TDRD9: variants seen among roughly 807,000 people sequenced by gnomAD.
TDRD9 encodes the protein ATP-dependent RNA helicase TDRD9.
Under a neutral mutation model 172.6 loss-of-function variants are expected in TDRD9, and 124 were observed. The observed-to-expected ratio is 0.72, with a 90% CI of 0.62 to 0.83. The LOEUF (loss-of-function observed/expected upper bound fraction) is 0.83. Ranked by LOEUF, TDRD9 falls within the 40% of genes least tolerant of loss-of-function variation. The pLI, the probability that TDRD9 is intolerant of heterozygous loss-of-function variation, is 0.00. For synonymous variants in TDRD9, 619 were observed against 617.1 expected, an observed-to-expected ratio of 1.00 and a Z score of -0.05; for missense variants, 1,479 against 1,714.1, an observed-to-expected ratio of 0.86 and a Z score of 2.42.
chr14:103,970,395 C>G (rs892599724), intron 5 of TDRD9, 146 bp from the exon 6 acceptor site: 2 of 625,004 alleles, frequency 3.2e-6, no homozygotes, highest in African/African-American at 3.7e-5. Context: ...TTCCTCTTAA[C>G]CAGGAGTGAT....
At chr14:103,984,794 G>A (rs1007534832) in intron 7 of TDRD9, among the ~76,000 whole-genome samples, 7 of 152,116 alleles carry the variant, frequency 4.6e-5, no homozygotes, top group African/African-American at 1.2e-4. Flanking sequence ...CTTGTACCAC[G>A]CACCTGGAAA....
chr14:104,006,836 G>A lies in TDRD9; in HGVS notation c.1998G>A (p.Glu666=). Residue 666 remains glutamate, a synonymous_variant, in exon 18 of 36, where the codon GAG becomes GAA. Coordinates refer to ENST00000409874, the MANE Select transcript of TDRD9 (RefSeq NM_153046.3). ...SSKSDCIALV[E]AFKTWKACRQ... ...AGAGTGACTGTATTGCACTTGTTGA[G>A]GCATTTAAAGTAAGTTTTCTGTTGT... is the stretch of plus-strand genomic sequence containing the variant. The A allele has an allele frequency of 1.2e-6, 2 of 1,612,262 alleles. No homozygotes were observed. The highest frequency in any genetic ancestry group is 1.3e-5 in the African/African-American group (1 of 75,014).
chr14:104,052,109 A>AC lies in TDRD9; in HGVS notation c.*31dup. ...CATGTCCACAGGTGGCCTCCAGCAC[A>AC]CCCCTCAGGAAGCTGTGGAGGCTGG... On this transcript the variant is annotated 3_prime_UTR_variant, in exon 36 of 36. Coordinates refer to ENST00000409874, the MANE Select transcript of TDRD9 (RefSeq NM_153046.3). 1 of 1,511,108 alleles carries AC rather than the reference A, an allele frequency of 6.6e-7. No individual in the cohort carries two copies. Among genetic ancestry groups the AC allele is most frequent in the Non-Finnish European group, 9.0e-7 (1 of 1,110,222 alleles). The allele number at this position is 1,511,108 out of a possible 1,614,324, so 93.6% of individuals were successfully genotyped here.
rs574922109 is a variant in TDRD9 at position 103,984,836 on chromosome 14, G to A, written c.1012-1381G>A. On this transcript the variant is annotated intron_variant, in intron 7 of 35. Transcript: ENST00000409874. Reference sequence around the variant, plus strand: ...AGACATTCAATGCCAGCCCATGAAAGCAGCTGGGAGGGAGGCTGTACTCTG... The same window carrying A: ...AGACATTCAATGCCAGCCCATGAAAACAGCTGGGAGGGAGGCTGTACTCTG... Among the ~76,000 whole-genome samples, 3 of 152,282 alleles carry A rather than the reference G, an allele frequency of 2.0e-5. No homozygotes were observed. In the East Asian group the frequency reaches 5.8e-4, roughly 29 times the overall value.
At chr14:103,953,262 T>A (rs1402426956) in intron 1 of TDRD9, among the ~76,000 whole-genome samples, 1 of 152,128 alleles carries the variant, frequency 6.6e-6, no homozygotes, top group Non-Finnish European at 1.5e-5. Flanking sequence ...TACCCTCCAT[T>A]TCTCATCATC....
At chr14:103,968,623 C>T (rs905785539) in intron 5 of TDRD9, among the ~76,000 whole-genome samples, 7 of 148,532 alleles carry the variant, frequency 4.7e-5, no homozygotes, top group Admixed American at 1.4e-4. Flanking sequence ...GGTGAAACCC[C>T]ATCTCTACTA....
chr14:104,021,144 A>G (rs1248360238), intron 23 of TDRD9, among the ~76,000 whole-genome samples: 1 of 152,150 alleles, frequency 6.6e-6, no homozygotes, highest in Non-Finnish European at 1.5e-5. Flanking sequence ...GGCAAAGGGA[A>G]GCTGGCATTT....
chr14:104,015,864 C>T (rs1016556623), intron 21 of TDRD9, 117 bp from the exon 22 acceptor site: 3 of 690,970 alleles, frequency 4.3e-6, no homozygotes, highest in Non-Finnish European at 6.9e-6. Context: ...TCCATACAAA[C>T]GATAACCATC....
At chr14:103,944,563 G>GC (rs995355158) in intron 1 of TDRD9, among the ~76,000 whole-genome samples, 4 of 88,010 alleles carry the variant, frequency 4.5e-5, no homozygotes, top group Non-Finnish European at 6.2e-5. Flanking sequence ...TCTCCACCCC[G>GC]CCCCCCACCC....
chr14:103,967,536 A>G (rs2152146654), intron 5 of TDRD9, among the ~76,000 whole-genome samples: 1 of 151,944 alleles, frequency 6.6e-6, no homozygotes, highest in East Asian at 1.9e-4. Flanking sequence ...AAACAACAAT[A>G]ACAACCAAAA....
chr14:103,957,764 G>A (rs2032315361), intron 2 of TDRD9, among the ~76,000 whole-genome samples: 1 of 152,142 alleles, frequency 6.6e-6, no homozygotes, highest in Non-Finnish European at 1.5e-5. Flanking sequence ...CTCACGTACT[G>A]GCCCAGGGGC....
In TDRD9 at chr14:104,006,706, A is replaced by G. The variant is rs2034450856; in HGVS notation, c.1940A>G (p.Tyr647Cys). 1.2e-6 allele frequency: 2 copies of G among 1,613,820 alleles called. No homozygotes were observed. Among genetic ancestry groups the G allele is most frequent in the South Asian group, 2.2e-5 (2 of 91,070 alleles). Residue 647 changes from tyrosine (Y) to cysteine (C), a missense_variant, in exon 17 of 36, where the codon TAT becomes TGT. Physicochemically the swap from Tyr to Cys is radical, Grantham distance 194. Coordinates refer to ENST00000409874, the MANE Select transcript of TDRD9 (RefSeq NM_153046.3). ...AMPFRQHLDG[Y>C]RNKVNFSGSS... ...CCTTTCCGGCAGCATCTCGATGGAT[A>G]TAGGTACTGAACATTCATATTTTAA...
intron 1 of TDRD9, among the ~76,000 whole-genome samples, chr14:103,938,414 G>GTA (rs1231280146): frequency 1.3e-4 from 13 of 97,486 alleles, no homozygotes; most frequent in African/African-American, 6.0e-4. Context: ...GTGTGTGTGT[G>GTA]TATATATATA....
At chr14:104,013,392 G>A (rs914599686) in intron 20 of TDRD9, among the ~76,000 whole-genome samples, 3 of 152,244 alleles carry the variant, frequency 2.0e-5, no homozygotes, top group Non-Finnish European at 4.4e-5. Context: ...AATCACAAAA[G>A]CCGTACATGT....
chr14:104,031,374 T>C, intron 29 of TDRD9, 111 bp downstream of exon 29: 1 of 919,008 alleles, frequency 1.1e-6, no homozygotes, highest in Non-Finnish European at 1.6e-6. Flanking sequence ...TGGCTTTTAA[T>C]GCTGTTACTT....
rs2152246017 is a variant in TDRD9, at chr14:104,026,871, A to G, written c.3214A>G (p.Ile1072Val). 1 of 1,614,022 alleles carries G rather than the reference A, an allele frequency of 6.2e-7. No individual in the cohort carries two copies. ...CCAGTACTCAGGGGTCCAGGATGCCATCAACATAAGAGACGTCCTCATCCA... is the reference window on the plus strand; with the variant it reads ...CCAGTACTCAGGGGTCCAGGATGCCGTCAACATAAGAGACGTCCTCATCCA... ...VYQYSGVQDAINIRDVLIQQG... is the reference protein window; with the variant it reads ...VYQYSGVQDAVNIRDVLIQQG... Residue 1072 changes from isoleucine to valine, a missense_variant, in exon 28 of 36, where the codon ATC (isoleucine) becomes GTC (valine). Transcript: ENST00000409874.
intron 7 of TDRD9, among the ~76,000 whole-genome samples, chr14:103,976,559 C>T (rs1380315574): frequency 1.3e-5 from 2 of 152,156 alleles, no homozygotes; most frequent in African/African-American, 4.8e-5. Flanking sequence ...CCGCGCCTGG[C>T]CTATCCATTC....
Position 104,052,483 on chromosome 14 carries a change from G to GAAAAACA in TDRD9, c.*406_*407insCAAAAAA. 2.0e-4 allele frequency: 6 copies of GAAAAACA among 29,516 alleles called. No individual in the cohort carries two copies. In the Middle Eastern group the frequency reaches 0.087, roughly 428 times the overall value. The allele number at this position is 29,516 out of a possible 1,614,324, so 1.8% of individuals were successfully genotyped here. A position where few individuals can be genotyped will look rare whatever the true frequency, so the allele number is the denominator to read the frequency against. On this transcript the variant is annotated 3_prime_UTR_variant, in exon 36 of 36. Coordinates refer to ENST00000409874, the MANE Select transcript of TDRD9 (RefSeq NM_153046.3). ...ACAGTGATTTAAACCAGTAGTATAG[G>GAAAAACA]AAAAAACTTAAAAAAACAAAAAAAC...
rs116626106 is a variant in TDRD9 at position 103,936,253 on chromosome 14, C to A, written c.215+7529C>A. ...CACAGGTGCATGCTGCCATGCCTGA[C>A]AAATTAAAAAAATGTTTTTGGAGAC... is the stretch of plus-strand genomic sequence containing the variant. On this transcript the variant is annotated intron_variant, in intron 1 of 35. Coordinates refer to ENST00000409874, the MANE Select transcript of TDRD9 (RefSeq NM_153046.3). Among the ~76,000 whole-genome samples the A allele has an allele frequency of 1.2e-3, 183 of 152,134 alleles. 2 individuals are homozygous for A. The highest frequency in any genetic ancestry group is 4.1e-3 in the African/African-American group (171 of 41,482).
Sources: gnomAD v4.1 joint callset for allele counts (sites outside exome capture counted in the v4.1 genomes callset) on GRCh38, gnomAD v4.1.1 for gene constraint, MANE v1.5 for transcripts, NCBI Gene and HGNC (gene_info 2026-07-23, HGNC 2026-07-21) for gene names.